ABLIM2: variants seen among roughly 807,000 people sequenced by gnomAD.
ABLIM2 encodes the protein actin binding LIM protein family member 2.
Under a neutral mutation model 97.7 loss-of-function variants are expected in ABLIM2, and 53 were observed. The ratio of observed to expected loss-of-function variants is 0.54; its 90% CI spans 0.44 to 0.68. The LOEUF is 0.68. Ranked by LOEUF, ABLIM2 falls within the 30% of genes least tolerant of loss-of-function variation. The probability of loss-of-function intolerance (pLI) is 0.00; values close to 1 mark genes in which losing one functional copy is unlikely to be tolerated. For missense variants in ABLIM2, 835 were observed against 867.2 expected (o/e 0.96, Z 0.47); for synonymous variants, 361 against 345.8 (o/e 1.04, Z -0.49).
At chr4:8,039,894 T>TTG (rs34998079) in intron 9 of ABLIM2, among the ~76,000 whole-genome samples, 1 of 145,620 alleles carries the variant, frequency 6.9e-6, no homozygotes. Context: ...TTTTTTTTTT[T>TTG]TTAATAAATG....
intron 9 of ABLIM2, among the ~76,000 whole-genome samples, chr4:8,042,327 C>T (rs187502482): frequency 2.9e-4 from 44 of 152,316 alleles, no homozygotes; most frequent in African/African-American, 1.1e-3. Flanking sequence ...TCATTCTGTG[C>T]ACAACCTGGC....
rs1821551460 is a variant in ABLIM2, at chr4:8,083,923, G to A, written c.455-3121C>T. ...TGTGGTCATGGTGGGGGTGGTTGTT[G>A]GGGGGTGGCTAGGATGTGCCAGGCA... On this transcript the variant is annotated intron_variant, in intron 4 of 20. Transcript: ENST00000447017. The surrounding 1 kb of genome is among the most constrained non-coding windows in gnomAD (Gnocchi z 4.6). 6.6e-6 allele frequency among the ~76,000 whole-genome samples: 1 copy of A among 152,120 alleles called. No homozygotes were observed. Among genetic ancestry groups the A allele is most frequent in the Admixed American group, 6.5e-5 (1 of 15,288 alleles).
chr4:7,978,320 G>C (rs935562386), intron 20 of ABLIM2, among the ~76,000 whole-genome samples: 6 of 152,144 alleles, frequency 3.9e-5, no homozygotes, highest in African/African-American at 9.7e-5. Flanking sequence ...GACTAGGGTC[G>C]CACCCTTGGG....
At chr4:7,997,951 G>T (rs571778610) in intron 16 of ABLIM2, among the ~76,000 whole-genome samples, 1 of 150,706 alleles carries the variant, frequency 6.6e-6, no homozygotes, top group Non-Finnish European at 1.5e-5. Flanking sequence ...GCACCATCTC[G>T]GCTCACCACA....
chr4:8,136,419 T>C (rs1850208496), intron 1 of ABLIM2, among the ~76,000 whole-genome samples: 1 of 152,316 alleles, frequency 6.6e-6, no homozygotes, highest in African/African-American at 2.4e-5. Flanking sequence ...CACTTAAGAA[T>C]GGTCTAGATG....
chr4:8,125,339 G>C lies in ABLIM2; in HGVS notation c.11-18702C>G, dbSNP rs1046959330. On this transcript the variant is annotated intron_variant, in intron 1 of 20. Coordinates refer to ENST00000447017, the MANE Select transcript of ABLIM2 (RefSeq NM_001130083.2). The surrounding 1 kb of genome is among the most constrained non-coding windows in gnomAD (Gnocchi z 6.2). ...GAGTGTTCTTCTAAGAGATTTACGG[G>C]TTTTTTGGTTTTACTGTAATTTTAC... 1.3e-5 allele frequency among the ~76,000 whole-genome samples: 2 copies of C among 152,168 alleles called. No homozygotes were observed. Among genetic ancestry groups the C allele is most frequent in the African/African-American group, 4.8e-5 (2 of 41,438 alleles).
intron 15 of ABLIM2, among the ~76,000 whole-genome samples, chr4:8,008,841 G>A (rs1182975083): frequency 1.3e-5 from 2 of 152,138 alleles, no homozygotes; most frequent in African/African-American, 2.4e-5. Context: ...CAAGTCACAC[G>A]GGCATATACC....
At position 7,970,293 on chromosome 4, in the gene ABLIM2, C is replaced by G. The variant is rs1726763494; in HGVS notation, c.1825-3190G>C. ...GGGCAGGCCTCCCTGTGGCCACATT[C>G]CTGCTTCCTGCTGGGGGAGGCTAAG... On this transcript the variant is annotated intron_variant, in intron 20 of 20. Transcript: ENST00000447017. This position sits in a 1 kb window ranked among gnomAD's most constrained non-coding sequence, Gnocchi z 5.3. Among the ~76,000 whole-genome samples the G allele has an allele frequency of 6.6e-6, 1 of 152,074 alleles. No homozygotes were observed. The highest frequency in any genetic ancestry group is 2.1e-4 in the South Asian group (1 of 4,824).
Position 8,022,072 on chromosome 4 carries a change from C to T in ABLIM2, c.1268-1769G>A, listed in dbSNP as rs374018358. Among the ~76,000 whole-genome samples, 29 of 152,300 alleles carry T rather than the reference C, an allele frequency of 1.9e-4. No homozygotes were observed. In the East Asian group the frequency reaches 2.7e-3, roughly 14 times the overall value. On this transcript the variant is annotated intron_variant, in intron 12 of 20. Coordinates refer to ENST00000447017, the MANE Select transcript of ABLIM2 (RefSeq NM_001130083.2). This position sits in a 1 kb window ranked among gnomAD's most constrained non-coding sequence, Gnocchi z 7.8. ...AAAGGACACCGCGGATCCCTCCTAC[C>T]GACTACGGCTGTGCTGGACCCATCC...
At chr4:8,007,806 C>T in intron 16 of ABLIM2, 1 of 1,304,064 alleles carries the variant, frequency 7.7e-7, no homozygotes, top group Non-Finnish European at 9.7e-7. Flanking sequence ...TTCTTGCACA[C>T]CTTGGAAATC....
chr4:8,114,978 C>T (rs111499635), intron 1 of ABLIM2, among the ~76,000 whole-genome samples: 3 of 152,192 alleles, frequency 2.0e-5, no homozygotes, highest in East Asian at 1.9e-4. Context: ...AGGAGACGAC[C>T]TGGCCCTCTT....
intron 16 of ABLIM2, among the ~76,000 whole-genome samples, chr4:7,997,520 T>A (rs912026932): frequency 2.6e-5 from 4 of 152,258 alleles, no homozygotes; most frequent in Non-Finnish European, 5.9e-5. Flanking sequence ...TAATTTCTGC[T>A]CTGTCTTCAA....
chr4:7,982,678 G>A (rs1460427716), intron 20 of ABLIM2, among the ~76,000 whole-genome samples: 1 of 151,852 alleles, frequency 6.6e-6, no homozygotes, highest in Admixed American at 6.6e-5. Context: ...CAGTAGGAGA[G>A]AACAGGCACC....
chr4:8,114,552 C>A (rs1561507807), intron 1 of ABLIM2, among the ~76,000 whole-genome samples: 1 of 152,166 alleles, frequency 6.6e-6, no homozygotes, highest in Non-Finnish European at 1.5e-5. Flanking sequence ...CATGCCGGAT[C>A]ACAGGCGGGC....
At chr4:8,012,559 C>T (rs1431420411) in intron 14 of ABLIM2, among the ~76,000 whole-genome samples, 1 of 149,152 alleles carries the variant, frequency 6.7e-6, no homozygotes, top group Non-Finnish European at 1.5e-5. Context: ...CCCACTCACC[C>T]ATCTATCCAC....
intron 6 of ABLIM2, among the ~76,000 whole-genome samples, chr4:8,070,729 C>A (rs1179415315): frequency 6.6e-6 from 1 of 151,952 alleles, no homozygotes; most frequent in Non-Finnish European, 1.5e-5. Context: ...GTGGAACACA[C>A]AGTGAGGCCA....
intron 12 of ABLIM2, 87 bp from the exon 13 acceptor site, chr4:8,020,390 G>T (rs1384246613): frequency 4.1e-6 from 5 of 1,220,652 alleles, no homozygotes; most frequent in Non-Finnish European, 5.9e-6. Flanking sequence ...CTTATTTGCA[G>T]CGAGCCCCAT....
Position 8,083,451 on chromosome 4 carries a change from C to A in ABLIM2, c.455-2649G>T, listed in dbSNP as rs562493517. Among the ~76,000 whole-genome samples, 3 of 152,320 alleles carry A rather than the reference C, an allele frequency of 2.0e-5. No homozygotes were observed. The highest frequency in any genetic ancestry group is 7.2e-5 in the African/African-American group (3 of 41,580). ...GATGCCTTTATGGGCATCTCCGCCACTCTGCCTCCTACCATATTGGCCGGC... is the reference window on the plus strand; with the variant it reads ...GATGCCTTTATGGGCATCTCCGCCAATCTGCCTCCTACCATATTGGCCGGC... On this transcript the variant is annotated intron_variant, in intron 4 of 20. Coordinates refer to ENST00000447017, the MANE Select transcript of ABLIM2 (RefSeq NM_001130083.2). This position sits in a 1 kb window ranked among gnomAD's most constrained non-coding sequence, Gnocchi z 4.6.
intron 1 of ABLIM2, among the ~76,000 whole-genome samples, chr4:8,109,505 A>T: frequency 6.6e-6 from 1 of 152,186 alleles, no homozygotes; most frequent in Non-Finnish European, 1.5e-5. Context: ...CCATTTCCCC[A>T]TCCAGTTCCA....
Sources: allele counts gnomAD v4.1 joint callset (sites outside exome capture counted in the v4.1 genomes callset), GRCh38; gene constraint gnomAD v4.1.1; non-coding constraint Gnocchi (gnomAD v3.1); transcripts MANE v1.5; gene names NCBI Gene and HGNC (gene_info 2026-07-23, HGNC 2026-07-21).